UBAP2: variants seen among roughly 807,000 people sequenced by gnomAD.
The protein encoded by UBAP2 is ubiquitin associated protein 2.
UBAP2 carries 75 observed loss-of-function variants against 139.6 expected under a neutral mutation model. That is an observed-to-expected ratio of 0.54 (90% CI 0.45 to 0.65). UBAP2 has a LOEUF of 0.65. Ranked by LOEUF, UBAP2 falls within the 30% of genes least tolerant of loss-of-function variation. The probability of loss-of-function intolerance (pLI) is 0.00; values close to 1 mark genes in which losing one functional copy is unlikely to be tolerated. For synonymous variants in UBAP2, 526 were observed against 526.2 expected, an observed-to-expected ratio of 1.00 and a Z score of 0.01; for missense variants, 1,368 against 1,369.6, an observed-to-expected ratio of 1.00 and a Z score of 0.02.
At chr9:33,977,043 T>C (rs956126139) in intron 6 of UBAP2, among the ~76,000 whole-genome samples, 1 of 128,354 alleles carries the variant, frequency 7.8e-6, no homozygotes, top group African/African-American at 3.1e-5. Flanking sequence ...TTTTTATTTA[T>C]TTTTTTTTTT....
intron 10 of UBAP2, among the ~76,000 whole-genome samples, chr9:33,956,448 A>T (rs947689024): frequency 2.0e-5 from 3 of 151,754 alleles, no homozygotes; most frequent in Admixed American, 6.6e-5. Flanking sequence ...CCTCCTGAGT[A>T]GCTGGGCCTC....
chr9:33,961,653 C>T (rs1827053910), intron 9 of UBAP2, among the ~76,000 whole-genome samples: 1 of 151,964 alleles, frequency 6.6e-6, no homozygotes, highest in African/African-American at 2.4e-5. Context: ...TAACGACAAC[C>T]CCAGAAAGAG....
rs578087306 is a variant in UBAP2, at chr9:33,999,820, C to T, written c.100-956G>A. Among the ~76,000 whole-genome samples the T allele has an allele frequency of 2.0e-5, 3 of 152,180 alleles. 1 individual carries two copies. Among genetic ancestry groups the T allele is most frequent in the African/African-American group, 4.8e-5 (2 of 41,520 alleles). ...CGCCTCCCAGGCTTAACCAATGCTC[C>T]TGCCTCAGCCTCCAGAGTAGCTGGG... On this transcript the variant is annotated intron_variant, in intron 2 of 28. Transcript: ENST00000379238.
chr9:33,927,068 G>T lies in UBAP2; in HGVS notation c.2384C>A (p.Pro795Gln). ...APLVTSGKAP[P>Q]NLPQGVPPLL... ...GGGAGGCACCCCCTGAGGTAAGTTT[G>T]GGGGTGCTTTGCCTGTATAGAGGGA... The change falls in exon 21 of 29, where the codon CCA (proline) becomes CAA (glutamine). Residue 795 changes from proline (P) to glutamine (Q), a missense_variant. Coordinates refer to ENST00000379238, the MANE Select transcript of UBAP2 (RefSeq NM_001370062.2). 6.2e-7 allele frequency: 1 copy of T among 1,612,526 alleles called. No individual in the cohort carries two copies. Among genetic ancestry groups the T allele is most frequent in the Non-Finnish European group, 8.5e-7 (1 of 1,179,244 alleles).
chr9:34,046,575 C>T (rs1212259249), intron 1 of UBAP2, among the ~76,000 whole-genome samples: 2 of 142,598 alleles, frequency 1.4e-5, no homozygotes, highest in African/African-American at 5.3e-5. Context: ...ACCCGGGAGG[C>T]GGAGCTTGCA....
At chr9:34,014,993 T>G (rs540452823) in intron 2 of UBAP2, among the ~76,000 whole-genome samples, 2 of 152,314 alleles carry the variant, frequency 1.3e-5, no homozygotes, top group East Asian at 3.9e-4. Flanking sequence ...AACTTTATAC[T>G]GAAAAATGTA....
At chr9:33,935,741 C>G (rs1368054057) in intron 17 of UBAP2, 98 bp downstream of exon 17, 4 of 1,398,226 alleles carry the variant, frequency 2.9e-6, no homozygotes, top group African/African-American at 1.4e-5. Flanking sequence ...AACGAATAAG[C>G]CATTGACCAA....
At chr9:33,955,151 A>C (rs982546526) in intron 11 of UBAP2, among the ~76,000 whole-genome samples, 1 of 151,986 alleles carries the variant, frequency 6.6e-6, no homozygotes, top group African/African-American at 2.4e-5. Context: ...TGAAGAAACC[A>C]AAGAATACAA....
At chr9:34,007,687 G>A (rs1823353702) in intron 2 of UBAP2, among the ~76,000 whole-genome samples, 2 of 148,622 alleles carry the variant, frequency 1.3e-5, no homozygotes, top group South Asian at 4.2e-4. Flanking sequence ...TGCCCAGGCT[G>A]GAGTGCAGTG....
intron 1 of UBAP2, among the ~76,000 whole-genome samples, chr9:34,039,422 G>A (rs2131364446): frequency 6.6e-6 from 1 of 152,342 alleles, no homozygotes; most frequent in Non-Finnish European, 1.5e-5. Flanking sequence ...AGGGGGAAAT[G>A]TGGGGAAAAG....
intron 16 of UBAP2, among the ~76,000 whole-genome samples, chr9:33,936,941 A>AAC (rs1281616157): frequency 6.6e-6 from 1 of 150,932 alleles, no homozygotes; most frequent in East Asian, 1.9e-4. Context: ...AAAAAAAAAA[A>AAC]AAAAAAAAAA....
chr9:34,013,185 GA>G (rs1465900212), intron 2 of UBAP2, among the ~76,000 whole-genome samples: 42 of 147,498 alleles, frequency 2.8e-4, no homozygotes, highest in African/African-American at 1.0e-3. Flanking sequence ...GAGGTTAAAG[GA>G]GATTTAAGTA....
In UBAP2 at chr9:33,927,884, T is replaced by G. The variant is rs765854334; in HGVS notation, c.2284A>C (p.Met762Leu). ...AGACAGAGGCTGTTCGCGGTGTTCA[T>G]GCTACTGGACAGGCTGGCGCCTGAG... Reference protein sequence around the residue: ...ASSGASLSSSMNTANSLCLGG... With the variant: ...ASSGASLSSSLNTANSLCLGG... Residue 762 changes from methionine (M) to leucine (L), a missense_variant, in exon 20 of 29, where the codon ATG (methionine) becomes CTG (leucine). Coordinates refer to ENST00000379238, the MANE Select transcript of UBAP2 (RefSeq NM_001370062.2). The G allele has an allele frequency of 6.2e-7, 1 of 1,614,098 alleles. No individual in the cohort carries two copies. The highest frequency in any genetic ancestry group is 1.3e-5 in the African/African-American group (1 of 74,952).
intron 2 of UBAP2, among the ~76,000 whole-genome samples, chr9:34,015,048 G>C (rs1284264580): frequency 6.6e-6 from 1 of 152,072 alleles, no homozygotes; most frequent in African/African-American, 2.4e-5. Flanking sequence ...ACATCAACAG[G>C]GCACTTGGGT....
intron 1 of UBAP2, among the ~76,000 whole-genome samples, chr9:34,037,980 A>T (rs1826588585): frequency 7.6e-6 from 1 of 131,630 alleles, no homozygotes; most frequent in Non-Finnish European, 1.6e-5. Flanking sequence ...GTGCAATATG[A>T]TGAAACCCTG....
intron 8 of UBAP2, chr9:33,968,645 T>C: frequency 3.7e-6 from 1 of 273,558 alleles, no homozygotes; most frequent in South Asian, 4.7e-5. Flanking sequence ...TTTTTCTCCT[T>C]AATTTTGTTA....
chr9:34,019,965 G>A (rs1294921466), intron 1 of UBAP2, among the ~76,000 whole-genome samples: 1 of 151,616 alleles, frequency 6.6e-6, no homozygotes, highest in East Asian at 1.9e-4. Flanking sequence ...TTCGAGACCA[G>A]CCTGACCAAC....
intron 19 of UBAP2, among the ~76,000 whole-genome samples, chr9:33,930,658 G>A (rs1017159087): frequency 3.3e-5 from 5 of 152,178 alleles, no homozygotes; most frequent in African/African-American, 1.2e-4. Flanking sequence ...ACCACTTTGG[G>A]AGGCCGAGGC....
intron 2 of UBAP2, among the ~76,000 whole-genome samples, chr9:34,007,402 A>G (rs7025837): frequency 0.015 from 2,297 of 151,988 alleles, 50 homozygotes; most frequent in African/African-American, 0.052. Context: ...AGGCTGAGGC[A>G]GAAGGATCTC....
Sources: gnomAD v4.1 joint callset for allele counts (sites outside exome capture counted in the v4.1 genomes callset) on GRCh38, gnomAD v4.1.1 for gene constraint, MANE v1.5 for transcripts, NCBI Gene and HGNC (gene_info 2026-07-23, HGNC 2026-07-21) for gene names.